The following CAST variants were observed in gnomAD, a reference collection of about 807,000 sequenced individuals.
CAST encodes calpastatin.
CAST carries 76 observed loss-of-function variants against 119.6 expected under a neutral mutation model. The ratio of observed to expected loss-of-function variants is 0.64; its 90% CI spans 0.53 to 0.77. CAST has a LOEUF of 0.77. Among genes scored for constraint, CAST ranks in the 30% least tolerant of loss-of-function variants. The probability of loss-of-function intolerance (pLI) is 0.00; values close to 1 mark genes in which losing one functional copy is unlikely to be tolerated. For missense variants in CAST, 953 were observed against 946.5 expected (o/e 1.01, Z -0.09); for synonymous variants, 319 against 331.6 (o/e 0.96, Z 0.41).
chr5:96,765,853 G>A (rs1769750803), intron 26 of CAST, among the ~76,000 whole-genome samples, 200 bp from the exon 27 acceptor site: 1 of 152,092 alleles, frequency 6.6e-6, no homozygotes, highest in Non-Finnish European at 1.5e-5. Flanking sequence ...TTGACATACA[G>A]AAGCATACGG....
the CAST span, among the ~76,000 whole-genome samples, chr5:96,285,522 C>T: frequency 1.3e-5 from 2 of 152,108 alleles, no homozygotes; most frequent in East Asian, 1.9e-4. Context: ...TGAAAAGGCC[C>T]TATTTCCCCC....
the CAST span, among the ~76,000 whole-genome samples, chr5:96,442,870 A>G: frequency 1.3e-5 from 2 of 150,936 alleles, no homozygotes; most frequent in Non-Finnish European, 3.0e-5. Flanking sequence ...CTTTTTCTCC[A>G]CTTCCTCTTC....
intron 31 of CAST, 74 bp downstream of exon 31, chr5:96,771,776 T>A: frequency 1.1e-6 from 1 of 886,324 alleles, no homozygotes; most frequent in Non-Finnish European, 1.9e-6. Flanking sequence ...ATGAGAGAAG[T>A]GAAGTCCACC....
the CAST span, among the ~76,000 whole-genome samples, chr5:96,109,297 A>C: frequency 6.6e-6 from 1 of 152,230 alleles, no homozygotes; most frequent in African/African-American, 2.4e-5. Context: ...TGCTTGGCAA[A>C]AACACAGATG....
chr5:96,299,285 CAACAACAAA>C, the CAST span, among the ~76,000 whole-genome samples: 29 of 91,546 alleles, frequency 3.2e-4, no homozygotes, highest in African/African-American at 1.2e-3. Context: ...ACAACAACAA[CAACAACAAA>C]CAAACAAAAA....
chr5:96,311,377 A>T, the CAST span, among the ~76,000 whole-genome samples: 2 of 152,072 alleles, frequency 1.3e-5, no homozygotes, highest in African/African-American at 4.8e-5. Context: ...TGCACTTGAG[A>T]AAAATGTGTA....
At chr5:96,194,418 G>A in the CAST span, among the ~76,000 whole-genome samples, 1 of 152,124 alleles carries the variant, frequency 6.6e-6, no homozygotes, top group African/African-American at 2.4e-5. Flanking sequence ...TGTGAGCCAT[G>A]GTATCTTATG....
chr5:96,029,229 A>G, the CAST span, among the ~76,000 whole-genome samples: 1 of 152,194 alleles, frequency 6.6e-6, no homozygotes, highest in Non-Finnish European at 1.5e-5. Context: ...GAAACAACTG[A>G]AAAATTTTCA....
At chr5:96,402,563 A>C in the CAST span, among the ~76,000 whole-genome samples, 1 of 152,120 alleles carries the variant, frequency 6.6e-6, no homozygotes, top group Non-Finnish European at 1.5e-5. Context: ...TAAAATTGCC[A>C]GAGCCTTTTG....
chr5:96,656,849 A>C (rs559271769), intron 1 of CAST, among the ~76,000 whole-genome samples: 2 of 152,280 alleles, frequency 1.3e-5, no homozygotes, highest in South Asian at 4.1e-4. Context: ...TCTAGAAACT[A>C]GTGAATTCTT....
the CAST span, among the ~76,000 whole-genome samples, chr5:96,444,913 A>C: frequency 6.6e-6 from 1 of 152,194 alleles, no homozygotes; most frequent in Non-Finnish European, 1.5e-5. Context: ...GAAAATCCGT[A>C]ATCATTTAAA....
chr5:96,027,692 A>T, the CAST span, among the ~76,000 whole-genome samples: 1 of 152,214 alleles, frequency 6.6e-6, no homozygotes, highest in East Asian at 1.9e-4. Context: ...ACTACTCAAA[A>T]TAATGGAAAT....
chr5:95,970,206 T>G, the CAST span: 2 of 152,226 alleles, frequency 1.3e-5, no homozygotes, highest in Non-Finnish European at 2.9e-5. Flanking sequence ...CATCGTGATG[T>G]GTTGACCTTG....
chr5:96,415,623 A>T, the CAST span, among the ~76,000 whole-genome samples: 7 of 152,300 alleles, frequency 4.6e-5, no homozygotes, highest in South Asian at 1.5e-3. Flanking sequence ...TACTTTTTTT[A>T]AATTTTGAAG....
chr5:96,526,799 C>G (rs922916286), upstream of CAST, among the ~76,000 whole-genome samples: 1 of 152,114 alleles, frequency 6.6e-6, no homozygotes, highest in Admixed American at 6.5e-5. Context: ...TTGATTTTGC[C>G]AAGGTTGAGG....
Position 96,662,401 on chromosome 5 carries a change from C to T in CAST, c.-22C>T. ...ACTCTCCGCGGCGCATTCCGGGAGG[C>T]AGCGGCCGCAGCGGCCTCGCCATGT... On this transcript the variant is annotated 5_prime_UTR_variant, in exon 1 of 32. Transcript: ENST00000675179. 1.4e-6 allele frequency: 2 copies of T among 1,410,470 alleles called. No individual in the cohort carries two copies. The highest frequency in any genetic ancestry group is 9.2e-7 in the Non-Finnish European group (1 of 1,082,888). The allele number at this position is 1,410,470 out of a possible 1,614,324, so 87.4% of individuals were successfully genotyped here. A position where few individuals can be genotyped will look rare whatever the true frequency, so the allele number is the denominator to read the frequency against.
chr5:96,071,648 CT>C, the CAST span, among the ~76,000 whole-genome samples: 1 of 152,162 alleles, frequency 6.6e-6, no homozygotes, highest in Non-Finnish European at 1.5e-5. Flanking sequence ...TCTCACCTTT[CT>C]GGTTTTTCCT....
At chr5:96,227,676 T>A in the CAST span, among the ~76,000 whole-genome samples, 1 of 152,074 alleles carries the variant, frequency 6.6e-6, no homozygotes, top group South Asian at 2.1e-4. Context: ...AAAATAAGAG[T>A]CAGCTTCCTT....
intron 1 of CAST, among the ~76,000 whole-genome samples, chr5:96,640,375 G>A (rs1005409240): frequency 1.3e-5 from 2 of 152,212 alleles, no homozygotes; most frequent in Non-Finnish European, 2.9e-5. Flanking sequence ...TGTTGAATTT[G>A]CACTGCTAGC....
Sources: allele counts gnomAD v4.1 joint callset (sites outside exome capture counted in the v4.1 genomes callset), GRCh38; gene constraint gnomAD v4.1.1; transcripts MANE v1.5; gene names NCBI Gene and HGNC (gene_info 2026-07-23, HGNC 2026-07-21).